The following SYCP2 variants were observed in gnomAD, a reference collection of about 807,000 sequenced individuals.
SYCP2 encodes the protein synaptonemal complex protein 2.
A neutral mutation model predicts 211.3 loss-of-function variants in SYCP2; 55 were observed. The ratio of observed to expected loss-of-function variants is 0.26; its 90% confidence interval spans 0.21 to 0.33. SYCP2 has a LOEUF of 0.33. Ranked by LOEUF, SYCP2 falls within the 10% of genes least tolerant of loss-of-function variation. The pLI, the probability that SYCP2 is intolerant of heterozygous loss-of-function variation, is 1.00. For synonymous variants in SYCP2, 570 were observed against 555.2 expected, an observed-to-expected ratio of 1.03 and a Z score of -0.37; for missense variants, 1,731 against 1,752.0, an observed-to-expected ratio of 0.99 and a Z score of 0.21.
At chr20:59,912,062 A>G (rs1290553327) in intron 13 of SYCP2, 1 of 412,174 alleles carries the variant, frequency 2.4e-6, no homozygotes, top group Non-Finnish European at 4.3e-6. Flanking sequence ...GAAATTATGA[A>G]TATTCCAAGT....
intron 24 of SYCP2, 62 bp from the exon 25 acceptor site, chr20:59,886,896 G>A (rs2059799433): frequency 1.5e-6 from 2 of 1,360,032 alleles, no homozygotes; most frequent in African/African-American, 1.5e-5. Context: ...AAAAATAAAG[G>A]CTGAAAAAAA....
At position 59,907,396 on chromosome 20, in the gene SYCP2, G is replaced by A. The variant is rs750433962; in HGVS notation, c.1001C>T (p.Pro334Leu). ...GCTGTATATTTGTACTTTTTCCTCTGGCACAGTAACTGCTTCCCATTGATG... is the reference window on the plus strand; with the variant it reads ...GCTGTATATTTGTACTTTTTCCTCTAGCACAGTAACTGCTTCCCATTGATG... ...DDHQWEAVTV[P>L]EEKVQIYSIE... Residue 334 changes from proline (P) to leucine (L), a missense_variant, in exon 15 of 45, where the codon CCA becomes CTA. Coordinates refer to ENST00000357552, the MANE Select transcript of SYCP2 (RefSeq NM_014258.4). 4 of 1,610,748 alleles carry A rather than the reference G, an allele frequency of 2.5e-6. No individual in the cohort carries two copies. Among genetic ancestry groups the A allele is most frequent in the South Asian group, 1.1e-5 (1 of 90,454 alleles).
At chr20:59,893,849 T>A (rs1475342850) in intron 20 of SYCP2, among the ~76,000 whole-genome samples, 1 of 152,042 alleles carries the variant, frequency 6.6e-6, no homozygotes, top group Admixed American at 6.6e-5. Flanking sequence ...AGCATAATAA[T>A]TCAGTTTTCA....
At chr20:59,897,949 C>CA (rs1257046326) in intron 18 of SYCP2, among the ~76,000 whole-genome samples, 1 of 151,884 alleles carries the variant, frequency 6.6e-6, no homozygotes, top group Admixed American at 6.6e-5. Flanking sequence ...AAAACAAAAA[C>CA]AAAAATTAGC....
Position 59,915,172 on chromosome 20 carries a change from A to G in SYCP2, c.627T>C (p.Asp209=). The G allele has an allele frequency of 6.3e-7, 1 of 1,576,196 alleles. No individual in the cohort carries two copies. Among genetic ancestry groups the G allele is most frequent in the Non-Finnish European group, 8.7e-7 (1 of 1,146,996 alleles). Residue 209 remains aspartate (D), a synonymous_variant, in exon 10 of 45, where the codon GAT becomes GAC. Coordinates refer to ENST00000357552, the MANE Select transcript of SYCP2 (RefSeq NM_014258.4). ...TGGAAAAGACATACTTACCTCCAGC[A>G]TCTAAAATCCTTTCTCCCATACTAC... ...LMSSMGERIL[D]AGDYDLQVGI...
At chr20:59,915,989 T>C (rs1265310548) in intron 8 of SYCP2, among the ~76,000 whole-genome samples, 1 of 151,822 alleles carries the variant, frequency 6.6e-6, no homozygotes, top group African/African-American at 2.4e-5. Flanking sequence ...CAAGACTCTC[T>C]CAAAAAAATA....
At chr20:59,911,615 T>C in intron 14 of SYCP2, 135 bp downstream of exon 14, 2 of 403,694 alleles carry the variant, frequency 5.0e-6, no homozygotes, top group Non-Finnish European at 9.0e-6. Context: ...GCTATGCTAA[T>C]CAAACTACTA....
intron 31 of SYCP2, among the ~76,000 whole-genome samples, chr20:59,879,579 G>A (rs2059626555): frequency 6.6e-6 from 1 of 151,242 alleles, no homozygotes; most frequent in African/African-American, 2.4e-5. Context: ...TATGAAAATG[G>A]TAATTCTCTC....
At chr20:59,893,691 C>G in intron 20 of SYCP2, 98 bp from the exon 21 acceptor site, 2 of 773,492 alleles carry the variant, frequency 2.6e-6, no homozygotes, top group Non-Finnish European at 4.0e-6. Flanking sequence ...ACAAATCTGC[C>G]TTGATATGAA....
At position 59,914,016 on chromosome 20, in the gene SYCP2, T is replaced by C; in HGVS notation, c.789A>G (p.Ile263Met). 1.3e-6 allele frequency: 2 copies of C among 1,597,748 alleles called. No individual in the cohort carries two copies. The highest frequency in any genetic ancestry group is 1.1e-5 in the South Asian group (1 of 87,602). ...GCATGCCATTTACAAGGTTGAGAAA[T>C]ATCCTGCAATCCTAATTTTAAAGAG... Reference protein sequence around the residue: ...KDSEFETDCRIFLNLVNGMLG... With the variant: ...KDSEFETDCRMFLNLVNGMLG... Residue 263 changes from isoleucine (I) to methionine (M), a missense_variant, in exon 12 of 45, where the codon ATA becomes ATG. Physicochemically the swap from Ile to Met is conservative, Grantham distance 10. Coordinates refer to ENST00000357552, the MANE Select transcript of SYCP2 (RefSeq NM_014258.4).
rs756368892 is a variant in SYCP2, at chr20:59,865,662, AAAT to A, written c.4380-14_4380-12del. ...TTCAAAAGATGAAGCCTAAGAAGTA[AAAT>A]AATGAGTTAACCTTGTATTTATCAA... On this transcript the variant is annotated splice_polypyrimidine_tract_variant and intron_variant, in intron 42 of 44. Coordinates refer to ENST00000357552, the MANE Select transcript of SYCP2 (RefSeq NM_014258.4). The A allele has an allele frequency of 2.6e-6, 4 of 1,565,672 alleles. No individual in the cohort carries two copies. The highest frequency in any genetic ancestry group is 1.4e-5 in the African/African-American group (1 of 73,146).
At chr20:59,922,345 G>T in intron 3 of SYCP2, 45 bp downstream of exon 3, 2 of 1,538,546 alleles carry the variant, frequency 1.3e-6, no homozygotes, top group South Asian at 2.5e-5. Context: ...AACAAAAAGT[G>T]ATTTTCAGAA....
rs1252151891 is a variant in SYCP2 at position 59,877,409 on chromosome 20, T to A, written c.3126A>T (p.Ser1042=). 5 of 1,590,436 alleles carry A rather than the reference T, an allele frequency of 3.1e-6. No individual in the cohort carries two copies. Among genetic ancestry groups the A allele is most frequent in the Non-Finnish European group, 4.3e-6 (5 of 1,173,710 alleles). The change falls in exon 33 of 45, where the codon TCA becomes TCT. Residue 1042 remains serine (S), a synonymous_variant. Coordinates refer to ENST00000357552, the MANE Select transcript of SYCP2 (RefSeq NM_014258.4). ...CCTTTACTGGTATGTTCTCTTTAAATGAATGTGAAAATTCTTGTTCACACT... is the reference window on the plus strand; with the variant it reads ...CCTTTACTGGTATGTTCTCTTTAAAAGAATGTGAAAATTCTTGTTCACACT... ...ESECEQEFSH[S]FKENIPVKEE...
In SYCP2 at chr20:59,864,167, A is replaced by T. The variant is rs547202532; in HGVS notation, c.*144T>A. The T allele has an allele frequency of 6.0e-5, 31 of 517,060 alleles. No homozygotes were observed. The highest frequency in any genetic ancestry group is 2.3e-4 in the East Asian group (7 of 30,002). 32.0% of individuals were successfully genotyped at this position (517,060 alleles called of 1,614,324 possible). A position where few individuals can be genotyped will look rare whatever the true frequency, so the allele number is the denominator to read the frequency against. ...GGTTCCCTCTCATCCATTAAAAGAC[A>T]TTTTTTTTTAATTTGAGGGTTCCTA... On this transcript the variant is annotated 3_prime_UTR_variant, in exon 45 of 45. Coordinates refer to ENST00000357552, the MANE Select transcript of SYCP2 (RefSeq NM_014258.4).
At chr20:59,917,191 T>C (rs1219363083) in intron 7 of SYCP2, among the ~76,000 whole-genome samples, 1 of 152,108 alleles carries the variant, frequency 6.6e-6, no homozygotes, top group Non-Finnish European at 1.5e-5. Context: ...TTCTAAGGCT[T>C]TTACCAAAAC....
rs1308457341 is a variant in SYCP2, at chr20:59,868,401, T to G, written c.3988+12A>C. 2 of 1,605,336 alleles carry G rather than the reference T, an allele frequency of 1.2e-6. No homozygotes were observed. The highest frequency in any genetic ancestry group is 2.7e-5 in the African/African-American group (2 of 74,390). On this transcript the variant is annotated intron_variant, in intron 38 of 44. Transcript: ENST00000357552. ...ATAACTGCATTTTGATACAGGCTAC[T>G]GATCTACCTACTTTTGTGGATATGA...
intron 31 of SYCP2, among the ~76,000 whole-genome samples, chr20:59,878,319 T>C (rs1170390480): frequency 1.3e-5 from 2 of 152,148 alleles, no homozygotes; most frequent in South Asian, 2.1e-4. Flanking sequence ...AACTTTTTAG[T>C]AGCCCAATTG....
intron 15 of SYCP2, among the ~76,000 whole-genome samples, chr20:59,903,671 T>C (rs1246678455): frequency 6.6e-6 from 1 of 152,140 alleles, no homozygotes; most frequent in Non-Finnish European, 1.5e-5. Flanking sequence ...AGGGTCAAAA[T>C]GTGTAAGTAT....
At chr20:59,885,181 A>C (rs2059762048) in intron 26 of SYCP2, 1 of 152,116 alleles carries the variant, frequency 6.6e-6, no homozygotes, top group South Asian at 2.1e-4. Flanking sequence ...TTTTAAAGGG[A>C]AAAGTGAGCC....
Sources: allele counts gnomAD v4.1 joint callset (sites outside exome capture counted in the v4.1 genomes callset), GRCh38; gene constraint gnomAD v4.1.1; transcripts MANE v1.5; gene names NCBI Gene and HGNC (gene_info 2026-07-23, HGNC 2026-07-21).